Variants in ATP6V0A4 observed in about 807,000 individuals in gnomAD.
ATP6V0A4 encodes the protein V-type proton ATPase 116 kDa subunit a 4.
ATP6V0A4 carries 86 observed loss-of-function variants against 107.3 expected under a neutral mutation model. The observed-to-expected ratio is 0.80, with a 90% CI of 0.67 to 0.96. ATP6V0A4 has a LOEUF of 0.96. Ranked by LOEUF, ATP6V0A4 falls within the 40% of genes least tolerant of loss-of-function variation. The probability of loss-of-function intolerance (pLI) is 0.00; values close to 1 mark genes in which losing one functional copy is unlikely to be tolerated. For synonymous variants in ATP6V0A4, 353 were observed against 381.4 expected (o/e 0.93, Z 0.87); for missense variants, 908 against 1,045.6 (o/e 0.87, Z 1.81).
chr7:138,730,931 C>CTTCTTTTTTTTTT (rs1554392929), intron 17 of ATP6V0A4, among the ~76,000 whole-genome samples: 2 of 123,752 alleles, frequency 1.6e-5, no homozygotes, highest in African/African-American at 3.1e-5. Flanking sequence ...TCTTCTTCTT[C>CTTCTTTTTTTTTT]TTTTTTTATT....
intron 21 of ATP6V0A4, among the ~76,000 whole-genome samples, 187 bp downstream of exon 21, chr7:138,709,437 T>C (rs1459472303): frequency 6.6e-6 from 1 of 151,776 alleles, no homozygotes; most frequent in Non-Finnish European, 1.5e-5. Flanking sequence ...TATGTATATA[T>C]ACATATATAT....
intron 2 of ATP6V0A4, among the ~76,000 whole-genome samples, chr7:138,780,452 G>T (rs1009602952): frequency 1.1e-4 from 17 of 152,134 alleles, no homozygotes; most frequent in Non-Finnish European, 2.5e-4. Flanking sequence ...GCCATGGACT[G>T]GTACCAGTCT....
rs772098036 is a variant in ATP6V0A4 at position 138,749,191 on chromosome 7, C to T, written c.1156G>A (p.Gly386Ser). The change falls in exon 12 of 22, where the codon GGC becomes AGC. Residue 386 changes from glycine to serine, a missense_variant. By Grantham distance (56) the Gly-to-Ser change is moderately conservative. Transcript: ENST00000310018. Reference protein sequence around the residue: ...FQNIVDAYGVGSYREINPAPY... With the variant: ...FQNIVDAYGVSSYREINPAPY... ...CCTGGGTTTATCTCCCGGTAGCTGCCGACACCATAGGCATCAACAATATTC... is the reference window on the plus strand; with the variant it reads ...CCTGGGTTTATCTCCCGGTAGCTGCTGACACCATAGGCATCAACAATATTC... The T allele has an allele frequency of 6.2e-6, 10 of 1,613,956 alleles. No individual in the cohort carries two copies. Among genetic ancestry groups the T allele is most frequent in the Admixed American group, 3.3e-5 (2 of 59,988 alleles).
chr7:138,710,358 AT>A (rs1407316062), intron 20 of ATP6V0A4, among the ~76,000 whole-genome samples: 9 of 152,048 alleles, frequency 5.9e-5, no homozygotes, highest in African/African-American at 2.2e-4. Context: ...CACCCAGCTA[AT>A]TTTTGTATAT....
intron 1 of ATP6V0A4, among the ~76,000 whole-genome samples, chr7:138,794,409 C>A (rs1215917306): frequency 6.6e-6 from 1 of 152,182 alleles, no homozygotes; most frequent in East Asian, 1.9e-4. Flanking sequence ...AAATATTCTT[C>A]CCTGGGCCGT....
Position 138,762,989 on chromosome 7 carries a change from C to T in ATP6V0A4, c.328G>A (p.Ala110Thr). ...LEKLEGELQE[A>T]NQNQQALKQS... ...TTCAAGGCCTGCTGGTTCTGGTTGG[C>T]TTCCTGTAACTCTCCTTCCAGTTTT... is the stretch of plus-strand genomic sequence containing the variant. The change falls in exon 6 of 22, where the codon GCC (alanine) becomes ACC (threonine). Residue 110 changes from alanine (A) to threonine (T), a missense_variant. By Grantham distance (58) the Ala-to-Thr change is moderately conservative (BLOSUM62 0). Coordinates refer to ENST00000310018, the MANE Select transcript of ATP6V0A4 (RefSeq NM_020632.3). The T allele has an allele frequency of 6.2e-7, 1 of 1,614,102 alleles. No homozygotes were observed. The highest frequency in any genetic ancestry group is 1.1e-5 in the South Asian group (1 of 91,088).
At chr7:138,708,170 G>A (rs1001087131) in intron 21 of ATP6V0A4, among the ~76,000 whole-genome samples, 16 of 151,840 alleles carry the variant, frequency 1.1e-4, no homozygotes, top group Non-Finnish European at 2.4e-4. Context: ...TCCTGCCTCA[G>A]CCCCTTGAGT....
chr7:138,710,002 C>A (rs1156582756), intron 20 of ATP6V0A4: 1 of 172,742 alleles, frequency 5.8e-6, no homozygotes, highest in East Asian at 1.9e-4. Flanking sequence ...GCGTGAGCCA[C>A]CACATCCAGC....
rs865891505 is a variant in ATP6V0A4, at chr7:138,745,683, A to G, written c.1321-403T>C. 1.2e-3 allele frequency among the ~76,000 whole-genome samples: 173 copies of G among 145,042 alleles called. 3 individuals carry two copies. The highest frequency in any genetic ancestry group is 4.2e-3 in the African/African-American group (165 of 39,300). On this transcript the variant is annotated intron_variant, in intron 13 of 21. Coordinates refer to ENST00000310018, the MANE Select transcript of ATP6V0A4 (RefSeq NM_020632.3). The stretch of plus-strand genomic sequence containing the variant: ...CAAAAAAAAAAAAAGGCCGGGTGTG[A>G]TGGCTCACACCTGTAATCCCAACAC...
chr7:138,735,531 C>T (rs1266280004), intron 15 of ATP6V0A4, among the ~76,000 whole-genome samples: 1 of 152,210 alleles, frequency 6.6e-6, no homozygotes, highest in Non-Finnish European at 1.5e-5. Flanking sequence ...TGCTAATTTG[C>T]ACTGATCCTT....
At position 138,768,840 on chromosome 7, in the gene ATP6V0A4, T is replaced by A; in HGVS notation, c.231A>T (p.Val77=). 6.2e-7 allele frequency: 1 copy of A among 1,614,194 alleles called. No individual in the cohort carries two copies. The highest frequency in any genetic ancestry group is 8.5e-7 in the Non-Finnish European group (1 of 1,180,036). The change falls in exon 5 of 22, where the codon GTA becomes GTT. Residue 77 remains valine (V), a synonymous_variant. Coordinates refer to ENST00000310018, the MANE Select transcript of ATP6V0A4 (RefSeq NM_020632.3). ...GTGGGCTTTTCTCGAGCAACTGAAC[T>A]ACAATCTCATTTTGCATCTCGTCTT... ...FLEDEMQNEI[V]VQLLEKSPLT... is the part of the protein sequence containing the mutation.
At chr7:138,766,842 A>T (rs1193132018) in intron 5 of ATP6V0A4, among the ~76,000 whole-genome samples, 2 of 152,256 alleles carry the variant, frequency 1.3e-5, no homozygotes, top group Non-Finnish European at 2.9e-5. Flanking sequence ...CAAAATCAAG[A>T]CAGGCTCTAT....
intron 20 of ATP6V0A4, among the ~76,000 whole-genome samples, chr7:138,714,310 G>A (rs1422654781): frequency 6.6e-6 from 1 of 151,616 alleles, no homozygotes; most frequent in Admixed American, 6.6e-5. Context: ...GGGCACTAAG[G>A]AAAACTGACA....
intron 10 of ATP6V0A4, among the ~76,000 whole-genome samples, chr7:138,754,781 C>T (rs1458369132): frequency 6.6e-6 from 1 of 151,994 alleles, no homozygotes; most frequent in Non-Finnish European, 1.5e-5. Context: ...GTGACTGCCA[C>T]CACGCCTGAC....
At chr7:138,758,304 T>C (rs138887502) in intron 8 of ATP6V0A4, among the ~76,000 whole-genome samples, 47 of 152,342 alleles carry the variant, frequency 3.1e-4, no homozygotes, top group African/African-American at 1.0e-3. Context: ...TATACCTGTC[T>C]ACGGCTATAG....
rs376699095 is a variant in ATP6V0A4 at position 138,715,748 on chromosome 7, T to A, written c.2257+16A>T. 17 of 1,612,784 alleles carry A rather than the reference T, an allele frequency of 1.1e-5. No homozygotes were observed. The highest frequency in any genetic ancestry group is 1.4e-5 in the Non-Finnish European group (17 of 1,179,220). ...TGGGGAGAGCTGACTGTCCCCCCGATGGGCTGCTCACTCACGTGCATGAGC... is the reference window on the plus strand; with the variant it reads ...TGGGGAGAGCTGACTGTCCCCCCGAAGGGCTGCTCACTCACGTGCATGAGC... On this transcript the variant is annotated intron_variant, in intron 20 of 21. Coordinates refer to ENST00000310018, the MANE Select transcript of ATP6V0A4 (RefSeq NM_020632.3).
At chr7:138,791,421 T>C (rs911618946) in intron 1 of ATP6V0A4, among the ~76,000 whole-genome samples, 1 of 152,194 alleles carries the variant, frequency 6.6e-6, no homozygotes, top group Non-Finnish European at 1.5e-5. Context: ...CAAGTAGTAT[T>C]TGATGGCTGA....
At chr7:138,761,767 C>T (rs1341946417) in intron 7 of ATP6V0A4, among the ~76,000 whole-genome samples, 2 of 152,276 alleles carry the variant, frequency 1.3e-5, no homozygotes, top group African/African-American at 2.4e-5. Flanking sequence ...GCAACCTCTA[C>T]CTCCAGGGTT....
Position 138,763,036 on chromosome 7 carries a change from AG to A in ATP6V0A4, c.292-12del. The A allele has an allele frequency of 6.2e-7, 1 of 1,614,044 alleles. No individual in the cohort carries two copies. The highest frequency in any genetic ancestry group is 8.5e-7 in the Non-Finnish European group (1 of 1,179,998). ...TTTTTCTAGAACAGTCTATGCAGGA[AG>A]GAAAAAGAAGGTAAGCCAACAGAAA... On this transcript the variant is annotated splice_polypyrimidine_tract_variant and intron_variant, in intron 5 of 21. Transcript: ENST00000310018.
Sources: gnomAD v4.1 joint callset for allele counts (sites outside exome capture counted in the v4.1 genomes callset) on GRCh38, gnomAD v4.1.1 for gene constraint, MANE v1.5 for transcripts, NCBI Gene and HGNC (gene_info 2026-07-23, HGNC 2026-07-21) for gene names.